The following NBAS variants were observed in gnomAD, a reference collection of about 807,000 sequenced individuals.
NBAS encodes NBAS subunit of NRZ tethering complex.
A neutral mutation model predicts 302.5 loss-of-function variants in NBAS; 219 were observed. That is an observed-to-expected ratio of 0.72 (90% CI 0.65 to 0.81). The LOEUF (loss-of-function observed/expected upper bound fraction) is 0.81, where lower values mean the gene tolerates loss of function less well. Among genes scored for constraint, NBAS ranks in the 30% least tolerant of loss-of-function variants. NBAS has a pLI of 0.00. For synonymous variants in NBAS, 1,118 were observed against 1,021.6 expected (o/e 1.09, Z -1.80); for missense variants, 2,932 against 2,841.6 (o/e 1.03, Z -0.72).
chr2:15,181,260 C>T (rs1328449907), intron 50 of NBAS, among the ~76,000 whole-genome samples: 1 of 152,150 alleles, frequency 6.6e-6, no homozygotes, highest in Non-Finnish European at 1.5e-5. Context: ...CTGACCTTGG[C>T]TTTCATGACA....
chr2:15,318,359 T>C (rs1388001782), intron 38 of NBAS, among the ~76,000 whole-genome samples: 4 of 152,180 alleles, frequency 2.6e-5, no homozygotes, highest in Non-Finnish European at 5.9e-5. Flanking sequence ...AATAACCAGC[T>C]AACATCATAA....
rs114230374 is a variant in NBAS at position 15,499,891 on chromosome 2, G to T, written c.954+4254C>A. ...TGAATTGTTAAAATATGAACACAAA[G>T]AAATTGTCATGAAATACGGCTTGAT... On this transcript the variant is annotated intron_variant, in intron 11 of 51. Coordinates refer to ENST00000281513, the MANE Select transcript of NBAS (RefSeq NM_015909.4). 4.0e-3 allele frequency among the ~76,000 whole-genome samples: 613 copies of T among 152,288 alleles called. 5 individuals are homozygous for T. The highest frequency in any genetic ancestry group is 0.013 in the African/African-American group (549 of 41,580).
At chr2:14,968,451 T>C in the NBAS span, among the ~76,000 whole-genome samples, 2 of 152,138 alleles carry the variant, frequency 1.3e-5, no homozygotes, top group African/African-American at 2.4e-5. Flanking sequence ...TTTAGAGTTG[T>C]GGTTTTGCTA....
the NBAS span, among the ~76,000 whole-genome samples, chr2:15,137,475 T>C: frequency 1.3e-5 from 2 of 152,148 alleles, no homozygotes; most frequent in East Asian, 1.9e-4. Flanking sequence ...CAAAACATCA[T>C]GCCAGGTGAG....
intron 38 of NBAS, among the ~76,000 whole-genome samples, chr2:15,323,357 G>C (rs980186608): frequency 9.9e-5 from 15 of 152,182 alleles, no homozygotes; most frequent in Non-Finnish European, 1.5e-5. Context: ...CTCAGAGTTT[G>C]AGCCTTAAGT....
chr2:15,196,171 C>A (rs1462443924), intron 48 of NBAS, among the ~76,000 whole-genome samples: 3 of 152,200 alleles, frequency 2.0e-5, no homozygotes, highest in African/African-American at 7.2e-5. Flanking sequence ...TGGATGAGTT[C>A]TTTACTTCAA....
the NBAS span, among the ~76,000 whole-genome samples, chr2:14,902,338 G>A: frequency 6.6e-6 from 1 of 152,148 alleles, no homozygotes; most frequent in East Asian, 1.9e-4. Context: ...CACCGTGTTG[G>A]CCAGGCTGTT....
chr2:15,193,271 C>T (rs977701200), intron 48 of NBAS, among the ~76,000 whole-genome samples: 50 of 152,212 alleles, frequency 3.3e-4, no homozygotes, highest in African/African-American at 1.2e-3. Flanking sequence ...AATACAGTAA[C>T]TTACATACTT....
chr2:15,506,338 C>G (rs1661849109), intron 10 of NBAS, among the ~76,000 whole-genome samples: 1 of 152,110 alleles, frequency 6.6e-6, no homozygotes, highest in Non-Finnish European at 1.5e-5. Flanking sequence ...GCATGATCAA[C>G]TCCAATATCC....
the NBAS span, among the ~76,000 whole-genome samples, chr2:15,109,290 A>G: frequency 5.3e-5 from 8 of 152,166 alleles, no homozygotes; most frequent in Admixed American, 4.6e-4. Flanking sequence ...GTTAGTGTAC[A>G]GCATTAAAGC....
chr2:14,949,516 G>T, the NBAS span, among the ~76,000 whole-genome samples: 2 of 152,068 alleles, frequency 1.3e-5, no homozygotes, highest in Non-Finnish European at 2.9e-5. Context: ...TCAGAGAAAT[G>T]AAAATCAAAA....
chr2:15,227,539 C>T (rs566864846), intron 47 of NBAS, among the ~76,000 whole-genome samples: 3 of 151,896 alleles, frequency 2.0e-5, no homozygotes, highest in Admixed American at 2.0e-4. Context: ...CCCTGGATAC[C>T]TAAAACAAAC....
chr2:15,360,392 T>C (rs1673850359), intron 32 of NBAS, among the ~76,000 whole-genome samples: 2 of 149,176 alleles, frequency 1.3e-5, no homozygotes, highest in African/African-American at 4.9e-5. Flanking sequence ...TGGAGTGTAA[T>C]GGCATGATCA....
chr2:14,780,811 C>G, the NBAS span, among the ~76,000 whole-genome samples: 1 of 152,164 alleles, frequency 6.6e-6, no homozygotes, highest in Non-Finnish European at 1.5e-5. Context: ...TTTTATACAT[C>G]TGTTTCCTCC....
the NBAS span, among the ~76,000 whole-genome samples, chr2:14,821,382 T>C: frequency 6.6e-6 from 1 of 152,206 alleles, no homozygotes; most frequent in Non-Finnish European, 1.5e-5. Flanking sequence ...GTGACGCTGA[T>C]GATATTCTTG....
At chr2:14,966,301 T>C in the NBAS span, among the ~76,000 whole-genome samples, 1 of 152,232 alleles carries the variant, frequency 6.6e-6, no homozygotes, top group Non-Finnish European at 1.5e-5. Flanking sequence ...GCCTATCCTA[T>C]GAATGCAGGT....
At chr2:15,312,614 A>C (rs532861035) in intron 38 of NBAS, among the ~76,000 whole-genome samples, 1 of 152,038 alleles carries the variant, frequency 6.6e-6, no homozygotes, top group Non-Finnish European at 1.5e-5. Context: ...ACCCTGGTCT[A>C]TTTTCCCACT....
intron 49 of NBAS, among the ~76,000 whole-genome samples, chr2:15,187,950 A>C (rs988190237): frequency 6.6e-6 from 1 of 152,218 alleles, no homozygotes; most frequent in Non-Finnish European, 1.5e-5. Context: ...CAGTTCTGTG[A>C]GAGTGTCTGG....
intron 44 of NBAS, among the ~76,000 whole-genome samples, chr2:15,240,370 A>C (rs971370237): frequency 9.9e-5 from 15 of 151,034 alleles, no homozygotes; most frequent in Non-Finnish European, 2.9e-5. Context: ...TGGGAGGCCA[A>C]GATGGATGGA....
Sources: gnomAD v4.1 joint callset for allele counts (sites outside exome capture counted in the v4.1 genomes callset) on GRCh38, gnomAD v4.1.1 for gene constraint, MANE v1.5 for transcripts, NCBI Gene and HGNC (gene_info 2026-07-23, HGNC 2026-07-21) for gene names.